Variants in CPZ observed in about 807,000 individuals in gnomAD.
CPZ encodes the protein carboxypeptidase Z.
A neutral mutation model predicts 61.8 loss-of-function variants in CPZ; 103 were observed. The ratio of observed to expected loss-of-function variants is 1.67; its 90% CI spans 1.42 to 1.96. The LOEUF is 1.96. Among genes scored for constraint, CPZ ranks in the 30% most tolerant of loss-of-function variants. CPZ has a pLI of 0.00. For synonymous variants in CPZ, 551 were observed against 373.7 expected, an observed-to-expected ratio of 1.47 and a Z score of -5.47; for missense variants, 1,461 against 914.9, an observed-to-expected ratio of 1.60 and a Z score of -7.70.
chr4:8,601,739 G>A (rs1714591554), intron 3 of CPZ, among the ~76,000 whole-genome samples: 1 of 152,170 alleles, frequency 6.6e-6, no homozygotes, highest in Admixed American at 6.5e-5. Context: ...GAAGTCTCCA[G>A]CCCCTTAGAG....
rs1050464 is a variant in CPZ at position 8,619,659 on chromosome 4, A to G, written c.*42A>G. 625,689 of 1,403,128 alleles carry G rather than the reference A, an allele frequency of 0.45. 142,752 individuals are homozygous for G. The highest frequency in any genetic ancestry group is 0.57 in the Admixed American group (19,946 of 34,752). The allele number at this position is 1,403,128 out of a possible 1,614,324, so 86.9% of individuals were successfully genotyped here. A position where few individuals can be genotyped will look rare whatever the true frequency, so the allele number is the denominator to read the frequency against. On this transcript the variant is annotated 3_prime_UTR_variant, in exon 11 of 11. Coordinates refer to ENST00000360986, the MANE Select transcript of CPZ (RefSeq NM_001014447.3). The stretch of plus-strand genomic sequence containing the variant: ...CGCCAGGATGTGGAGACCGAGGCCC[A>G]TCTCCGCATCCCGGGCTCCTGGCTC...
At chr4:8,614,314 T>G (rs4696716) in intron 8 of CPZ, 45 bp from the exon 9 acceptor site, 1 of 1,590,072 alleles carries the variant, frequency 6.3e-7, no homozygotes, top group Admixed American at 1.7e-5. Flanking sequence ...CGGCTGTCTC[T>G]GTGCGGCTGA....
intron 7 of CPZ, among the ~76,000 whole-genome samples, chr4:8,609,657 C>T (rs1201034068): frequency 6.6e-6 from 1 of 152,204 alleles, no homozygotes; most frequent in African/African-American, 2.4e-5. Flanking sequence ...GCAGGGCAGG[C>T]ATCCCCTCTG....
intron 1 of CPZ, 96 bp downstream of exon 1, chr4:8,593,017 A>G: frequency 2.1e-6 from 2 of 952,474 alleles, no homozygotes; most frequent in Non-Finnish European, 3.1e-6. Context: ...GCTTTCTTCC[A>G]GTAGGTCACG....
chr4:8,593,853 G>A (rs1002878374), intron 1 of CPZ, among the ~76,000 whole-genome samples: 1 of 152,074 alleles, frequency 6.6e-6, no homozygotes, highest in Admixed American at 6.5e-5. Context: ...TCTGCTCCTC[G>A]CCTTACCTCT....
At chr4:8,608,995 C>T (rs1030710589) in intron 7 of CPZ, among the ~76,000 whole-genome samples, 7 of 112,138 alleles carry the variant, frequency 6.2e-5, no homozygotes, top group Non-Finnish European at 1.3e-4. Context: ...CCCATTCACT[C>T]TTTCACTTGT....
intron 7 of CPZ, among the ~76,000 whole-genome samples, chr4:8,609,949 G>C (rs868612176): frequency 1.4e-4 from 21 of 152,184 alleles, no homozygotes; most frequent in African/African-American, 4.6e-4. Context: ...ACGAGAGCCA[G>C]TGCCTGGGGA....
intron 1 of CPZ, among the ~76,000 whole-genome samples, chr4:8,598,393 G>A (rs564352103): frequency 2.4e-3 from 359 of 152,328 alleles, no homozygotes; most frequent in Non-Finnish European, 3.7e-3. Context: ...GGTGAGCTCC[G>A]AAAAGCGGCC....
chr4:8,596,680 G>A (rs1714206904), intron 1 of CPZ, among the ~76,000 whole-genome samples: 1 of 152,220 alleles, frequency 6.6e-6, no homozygotes, highest in Non-Finnish European at 1.5e-5. Flanking sequence ...CTACACATGA[G>A]GAAACTGAGG....
At chr4:8,594,100 G>A (rs1713997709) in intron 1 of CPZ, among the ~76,000 whole-genome samples, 2 of 152,208 alleles carry the variant, frequency 1.3e-5, no homozygotes, top group African/African-American at 4.8e-5. Context: ...AGACCACCCT[G>A]TCCTCACCCA....
At position 8,604,146 on chromosome 4, in the gene CPZ, CT is replaced by C. The variant is rs1365671509; in HGVS notation, c.668del (p.Leu223ArgfsTer14). On this transcript the variant is annotated frameshift_variant, in exon 4 of 11. Transcript: ENST00000360986. LOFTEE classifies it high-confidence loss of function. The stretch of plus-strand genomic sequence containing the variant: ...GCGCAGCTTCGACGGCAGGGAGCTG[CT>C]GGTCATCGAGTTCTCCAGCCGCCCC... ...IGRSFDGREL[L>X]VIEFSSRPGQ... 1 of 1,586,038 alleles carries C rather than the reference CT, an allele frequency of 6.3e-7. No homozygotes were observed.
intron 7 of CPZ, among the ~76,000 whole-genome samples, chr4:8,609,213 C>CATTCACTCACTCCCTCACTCACTT (rs1560298175): frequency 2.7e-4 from 13 of 47,412 alleles, no homozygotes; most frequent in Non-Finnish European, 6.3e-4. Flanking sequence ...CTCACTTACT[C>CATTCACTCACTCCCTCACTCACTT]ATTCACTTAC....
intron 8 of CPZ, among the ~76,000 whole-genome samples, chr4:8,613,081 G>A (rs542343501): frequency 1.4e-4 from 22 of 152,114 alleles, no homozygotes; most frequent in Non-Finnish European, 8.8e-5. Flanking sequence ...CCTGTGACTG[G>A]GGTCTGCAAC....
intron 8 of CPZ, among the ~76,000 whole-genome samples, chr4:8,612,940 C>A (rs1327537754): frequency 1.3e-5 from 2 of 152,226 alleles, no homozygotes; most frequent in African/African-American, 4.8e-5. Context: ...CACTCTGAAG[C>A]CATCTTCGCA....
rs535435677 is a variant in CPZ, at chr4:8,601,840, C to T, written c.496+343C>T. On this transcript the variant is annotated intron_variant, in intron 3 of 10. Coordinates refer to ENST00000360986, the MANE Select transcript of CPZ (RefSeq NM_001014447.3). ...CAGGCCTCGTGTGGGGGAGCCTGGG[C>T]TCAGAGTGCAGGGCTGGCCCTGGGG... 1.8e-5 allele frequency: 4 copies of T among 226,228 alleles called. No homozygotes were observed. The East Asian group carries it at 3.7e-4, about 21-fold the overall frequency. 14.0% of individuals were successfully genotyped at this position (226,228 alleles called of 1,614,324 possible).
At position 8,614,498 on chromosome 4, in the gene CPZ, G is replaced by A. The variant is rs749668084; in HGVS notation, c.1503G>A (p.Thr501=). 2.4e-5 allele frequency: 38 copies of A among 1,612,904 alleles called. No individual in the cohort carries two copies. The highest frequency in any genetic ancestry group is 2.9e-5 in the Non-Finnish European group (34 of 1,179,446). The part of the protein sequence containing the change: ...NKESLLNFVE[T]VHRGIKGVVT... The stretch of plus-strand genomic sequence containing the variant: ...AGTCACTCCTGAATTTCGTGGAGAC[G>A]GTGAGTTCTGACGGTCTCAGGGCTC... Residue 501 remains threonine (T), a splice_region_variant and synonymous_variant, in exon 9 of 11, where the codon ACG becomes ACA. Coordinates refer to ENST00000360986, the MANE Select transcript of CPZ (RefSeq NM_001014447.3).
intron 10 of CPZ, 42 bp downstream of exon 10, chr4:8,618,570 A>G (rs772475597): frequency 6.3e-7 from 1 of 1,588,642 alleles, no homozygotes; most frequent in African/African-American, 1.3e-5. Context: ...CACGTCTGCC[A>G]AGGAAATGCC....
At chr4:8,606,220 C>T (rs200580123) in intron 5 of CPZ, 35 bp downstream of exon 5, 151 of 1,579,156 alleles carry the variant, frequency 9.6e-5, no homozygotes, top group East Asian at 6.6e-4. Context: ...TGTGGGCCAC[C>T]GCCCGAACCA....
At chr4:8,593,511 G>C (rs1213145186) in intron 1 of CPZ, among the ~76,000 whole-genome samples, 1 of 152,218 alleles carries the variant, frequency 6.6e-6, no homozygotes. Flanking sequence ...GTGTGCAGCG[G>C]GGGTGGGGAG....
Sources: gnomAD v4.1 joint callset for allele counts (sites outside exome capture counted in the v4.1 genomes callset) on GRCh38, gnomAD v4.1.1 for gene constraint, MANE v1.5 for transcripts, NCBI Gene and HGNC (gene_info 2026-07-23, HGNC 2026-07-21) for gene names.